Variants in SIN3A observed in about 807,000 individuals in gnomAD.
SIN3A encodes paired amphipathic helix protein Sin3a.
In SIN3A, 14 loss-of-function variants were observed where a neutral mutation model predicts 146.1. The observed-to-expected ratio is 0.10, with a 90% CI of 0.06 to 0.15. SIN3A has a LOEUF of 0.15. SIN3A is among the 10% of genes least tolerant of loss of function. The pLI, the probability that SIN3A is intolerant of heterozygous loss-of-function variation, is 1.00. For missense variants in SIN3A, 1,028 were observed against 1,576.0 expected, an observed-to-expected ratio of 0.65 and a Z score of 5.89; for synonymous variants, 572 against 572.0, an observed-to-expected ratio of 1.00 and a Z score of 0.00.
intron 3 of SIN3A, chr15:75,422,413 T>C: frequency 1.6e-6 from 1 of 607,896 alleles, no homozygotes; most frequent in Non-Finnish European, 2.9e-6. Flanking sequence ...TGATAACATT[T>C]GACCGACATG....
intron 20 of SIN3A, among the ~76,000 whole-genome samples, chr15:75,375,381 G>C (rs1892968915): frequency 6.6e-6 from 1 of 152,182 alleles, no homozygotes; most frequent in African/African-American, 2.4e-5. Context: ...CCAGAAGCTA[G>C]GAGAGGCCTA....
chr15:75,405,729 C>T (rs1466554414), intron 9 of SIN3A, among the ~76,000 whole-genome samples: 1 of 151,908 alleles, frequency 6.6e-6, no homozygotes, highest in Non-Finnish European at 1.5e-5. Context: ...CCAAGCTGGG[C>T]AACAGAGTGA....
Position 75,401,898 on chromosome 15 carries a change from C to A in SIN3A, c.1480G>T (p.Val494Leu). 1 of 1,614,062 alleles carries A rather than the reference C, an allele frequency of 6.2e-7. No individual in the cohort carries two copies. The highest frequency in any genetic ancestry group is 8.5e-7 in the Non-Finnish European group (1 of 1,179,924). ...LRCLVIFNQE[V>L]ISRAELVQLV... Reference sequence around the variant, plus strand: ...TGCACAAGCTCAGCACGAGAGATCACCTCCTGGTTAAAAATAACAAGACAG... The same window carrying A: ...TGCACAAGCTCAGCACGAGAGATCAACTCCTGGTTAAAAATAACAAGACAG... The change falls in exon 10 of 21, where the codon GTG becomes TTG. Residue 494 changes from valine (V) to leucine (L), a missense_variant. By Grantham distance (32) the Val-to-Leu change is conservative (BLOSUM62 1). Transcript: ENST00000394947.
At chr15:75,416,343 G>T (rs1023268766) in intron 3 of SIN3A, among the ~76,000 whole-genome samples, 2 of 152,118 alleles carry the variant, frequency 1.3e-5, no homozygotes, top group Admixed American at 1.3e-4. Flanking sequence ...TATTTATTTA[G>T]AGACAGAGTT....
chr15:75,405,101 T>C (rs1328049919), intron 9 of SIN3A, among the ~76,000 whole-genome samples: 1 of 152,032 alleles, frequency 6.6e-6, no homozygotes, highest in African/African-American at 2.4e-5. Flanking sequence ...GTGTGGTGGC[T>C]CACACCTGTA....
chr15:75,443,511 T>A (rs1437850523), intron 1 of SIN3A: 1 of 151,592 alleles, frequency 6.6e-6, no homozygotes, highest in Non-Finnish European at 1.5e-5. Flanking sequence ...AGCCCAGGAG[T>A]TCGAGACTAG....
upstream of SIN3A, among the ~76,000 whole-genome samples, chr15:75,455,242 G>A (rs1301312477): frequency 6.6e-6 from 1 of 151,976 alleles, no homozygotes; most frequent in African/African-American, 2.4e-5. Context: ...CGGCTCGCTC[G>A]CTAACTCCAG....
chr15:75,379,045 G>A (rs1301445620), intron 19 of SIN3A, among the ~76,000 whole-genome samples: 8 of 151,756 alleles, frequency 5.3e-5, no homozygotes, highest in African/African-American at 1.9e-4. Context: ...GACTACAGGC[G>A]CCTGCCACCA....
chr15:75,421,595 A>G (rs2073841235), intron 3 of SIN3A: 1 of 152,238 alleles, frequency 6.6e-6, no homozygotes. Flanking sequence ...GGGAAAACAG[A>G]AGAAACAACT....
At chr15:75,396,901 T>C (rs753451421) in intron 12 of SIN3A, among the ~76,000 whole-genome samples, 26 of 152,208 alleles carry the variant, frequency 1.7e-4, no homozygotes, top group Non-Finnish European at 3.2e-4. Context: ...TTTCCTGAAT[T>C]GCTAAGATCC....
At chr15:75,372,782 C>T (rs1025122099) in intron 20 of SIN3A, among the ~76,000 whole-genome samples, 1 of 147,810 alleles carries the variant, frequency 6.8e-6, no homozygotes, top group Non-Finnish European at 1.5e-5. Flanking sequence ...ATCGCACCAC[C>T]GCACCCCAGC....
At chr15:75,376,859 T>TAAAAAAAAAAAAAA (rs200318256) in intron 19 of SIN3A, among the ~76,000 whole-genome samples, 9 of 115,804 alleles carry the variant, frequency 7.8e-5, no homozygotes, top group African/African-American at 2.5e-4. Flanking sequence ...GACACTGTCT[T>TAAAAAAAAAAAAAA]AAAAAAAAAA....
At chr15:75,424,959 A>G (rs1027161176) in intron 2 of SIN3A, among the ~76,000 whole-genome samples, 3 of 152,208 alleles carry the variant, frequency 2.0e-5, no homozygotes, top group African/African-American at 7.2e-5. Context: ...AAAGTTCATA[A>G]TCCACAAGTT....
intron 16 of SIN3A, among the ~76,000 whole-genome samples, chr15:75,389,380 TA>T (rs2073154486): frequency 6.6e-6 from 1 of 151,230 alleles, no homozygotes. Flanking sequence ...GCAGACAAGG[TA>T]AGAGATAGAC....
intron 3 of SIN3A, among the ~76,000 whole-genome samples, chr15:75,416,669 C>T (rs2073742858): frequency 6.6e-6 from 1 of 152,196 alleles, no homozygotes; most frequent in South Asian, 2.1e-4. Context: ...TTGGCACAAA[C>T]ACCTTGTGGG....
intron 3 of SIN3A, among the ~76,000 whole-genome samples, chr15:75,418,374 G>A (rs2073780590): frequency 6.6e-6 from 1 of 152,094 alleles, no homozygotes; most frequent in South Asian, 2.1e-4. Flanking sequence ...CACCCAGGCT[G>A]GAGTGCAGTG....
chr15:75,388,046 T>G (rs965789140), intron 16 of SIN3A, among the ~76,000 whole-genome samples: 1 of 149,448 alleles, frequency 6.7e-6, no homozygotes, highest in Admixed American at 6.6e-5. Flanking sequence ...TACAGAGGCA[T>G]GCACCCTTCC....
At chr15:75,386,690 A>T (rs2073089482) in intron 16 of SIN3A, among the ~76,000 whole-genome samples, 1 of 152,238 alleles carries the variant, frequency 6.6e-6, no homozygotes, top group Non-Finnish European at 1.5e-5. Context: ...GAGTGAAGGC[A>T]TGCAGGAGAG....
At chr15:75,438,035 A>T (rs1031285504) in intron 1 of SIN3A, among the ~76,000 whole-genome samples, 5 of 152,186 alleles carry the variant, frequency 3.3e-5, no homozygotes, top group African/African-American at 1.2e-4. Context: ...CACAAAAAAA[A>T]CACCTACAGG....
Sources: gnomAD v4.1 joint callset for allele counts (sites outside exome capture counted in the v4.1 genomes callset) on GRCh38, gnomAD v4.1.1 for gene constraint, MANE v1.5 for transcripts, NCBI Gene and HGNC (gene_info 2026-07-23, HGNC 2026-07-21) for gene names.